The following ANKRD28 variants were observed in gnomAD, a reference collection of about 807,000 sequenced individuals.
The protein encoded by ANKRD28 is serine/threonine-protein phosphatase 6 regulatory ankyrin repeat subunit A.
ANKRD28 carries 44 observed loss-of-function variants against 126.5 expected under a neutral mutation model. The observed-to-expected ratio is 0.35, with a 90% CI of 0.27 to 0.45. ANKRD28 has a LOEUF of 0.45. ANKRD28 is among the 20% of genes least tolerant of loss of function. The pLI is 1.00. For missense variants in ANKRD28, 1,110 were observed against 1,316.6 expected (o/e 0.84, Z 2.43); for synonymous variants, 442 against 468.5 (o/e 0.94, Z 0.73).
At chr3:15,811,643 C>T (rs544244306) in intron 1 of ANKRD28, among the ~76,000 whole-genome samples, 35 of 151,908 alleles carry the variant, frequency 2.3e-4, no homozygotes, top group African/African-American at 5.1e-4. Flanking sequence ...TTGGTAGAGA[C>T]GGGGTTTCAC....
chr3:15,733,596 T>C (rs967764402), intron 6 of ANKRD28: 37 of 152,380 alleles, frequency 2.4e-4, no homozygotes, highest in Admixed American at 2.2e-3. Context: ...TCAATTGATA[T>C]CATTTCTCAA....
intron 5 of ANKRD28, 30 bp from the exon 6 acceptor site, chr3:15,735,527 A>G: frequency 6.7e-7 from 1 of 1,482,116 alleles, no homozygotes; most frequent in Non-Finnish European, 9.2e-7. Flanking sequence ...AGTGTCATCA[A>G]AATTGTGAAG....
Position 15,854,082 on chromosome 3 carries a change from G to T in ANKRD28, c.27+5295C>A, listed in dbSNP as rs539268720. Among the ~76,000 whole-genome samples, 181 of 152,178 alleles carry T rather than the reference G, an allele frequency of 1.2e-3. No individual in the cohort carries two copies. The highest frequency in any genetic ancestry group is 4.2e-3 in the African/African-American group (174 of 41,520). On this transcript the variant is annotated intron_variant, in intron 1 of 27. Coordinates refer to the ANKRD28 transcript ENST00000399451. The surrounding 1 kb of genome is among the most constrained non-coding windows in gnomAD (Gnocchi z 4.1). ...ATCTACTCTTCCAAAACCTGTAATG[G>T]TTATCTAACTTTCAGTGATCATGGA...
chr3:15,738,258 G>T (rs2075169646), intron 4 of ANKRD28, among the ~76,000 whole-genome samples: 1 of 152,130 alleles, frequency 6.6e-6, no homozygotes, highest in Non-Finnish European at 1.5e-5. Flanking sequence ...ACAAAAGAGA[G>T]AAATTTTAAA....
intron 2 of ANKRD28, among the ~76,000 whole-genome samples, chr3:15,785,403 G>T (rs1458092067): frequency 6.6e-6 from 1 of 152,020 alleles, no homozygotes; most frequent in South Asian, 2.1e-4. Context: ...AACGGACCAA[G>T]GACTTTAACA....
intron 8 of ANKRD28, among the ~76,000 whole-genome samples, chr3:15,715,354 A>G (rs2072878354): frequency 6.6e-6 from 1 of 152,238 alleles, no homozygotes; most frequent in Admixed American, 6.5e-5. Context: ...TGCCTTCTGC[A>G]TAGGTACTAA....
chr3:15,821,018 CAT>C (rs1420568989), intron 1 of ANKRD28, among the ~76,000 whole-genome samples: 1 of 152,112 alleles, frequency 6.6e-6, no homozygotes, highest in Non-Finnish European at 1.5e-5. Context: ...CATTTTAGGA[CAT>C]ATAATTCTTT....
Position 15,797,008 on chromosome 3 carries a change from G to C in ANKRD28, c.-487C>G. On this transcript the variant is annotated 5_prime_UTR_variant, in exon 1 of 28. Transcript: ENST00000683139. The stretch of plus-strand genomic sequence containing the variant: ...CTGCAAGGTCATATAGTTACCAGTA[G>C]CTGTTTTGCTTATAATTGAAAATAA... The C allele has an allele frequency of 1.0e-6, 1 of 985,146 alleles. No individual in the cohort carries two copies. Among genetic ancestry groups the C allele is most frequent in the Admixed American group, 6.2e-5 (1 of 16,260 alleles). The allele number at this position is 985,146 out of a possible 1,614,324, so 61.0% of individuals were successfully genotyped here. A position where few individuals can be genotyped will look rare whatever the true frequency, so the allele number is the denominator to read the frequency against.
In ANKRD28 at chr3:15,816,606, G is replaced by A. The variant is rs1408708112; in HGVS notation, c.28-21300C>T. Among the ~76,000 whole-genome samples the A allele has an allele frequency of 6.6e-6, 1 of 152,152 alleles. No individual in the cohort carries two copies. Among genetic ancestry groups the A allele is most frequent in the Non-Finnish European group, 1.5e-5 (1 of 68,014 alleles). ...ATAAAGTTGCTTCAAAAGGAAAAGTGTTTGGTGCCCTTTATTTTACTACAC... is the reference window on the plus strand; with the variant it reads ...ATAAAGTTGCTTCAAAAGGAAAAGTATTTGGTGCCCTTTATTTTACTACAC... On this transcript the variant is annotated intron_variant, in intron 1 of 27. Coordinates refer to the ANKRD28 transcript ENST00000399451. The surrounding 1 kb of genome is among the most constrained non-coding windows in gnomAD (Gnocchi z 5.0).
At chr3:15,740,113 G>C (rs2654651) in intron 4 of ANKRD28, among the ~76,000 whole-genome samples, 95,442 of 152,046 alleles carry the variant, frequency 0.63, 31,383 homozygotes, top group East Asian at 0.91. Context: ...CAAAAACGTT[G>C]AACAAAAGAA....
chr3:15,825,402 C>T (rs191884505), intron 1 of ANKRD28, among the ~76,000 whole-genome samples: 158 of 152,198 alleles, frequency 1.0e-3, no homozygotes, highest in Admixed American at 1.8e-3. Flanking sequence ...TTTCATGGCA[C>T]TTCAAAATGT....
At chr3:15,706,893 G>C (rs2071513681) in intron 14 of ANKRD28, among the ~76,000 whole-genome samples, 1 of 151,956 alleles carries the variant, frequency 6.6e-6, no homozygotes, top group Non-Finnish European at 1.5e-5. Context: ...GTCTTCTTTA[G>C]AGAAGTGTCT....
In ANKRD28 at chr3:15,735,443, C is replaced by A; in HGVS notation, c.607G>T (p.Asp203Tyr). Residue 203 changes from aspartate to tyrosine, a missense_variant, in exon 6 of 28, where the codon GAT (aspartate) becomes TAT (tyrosine). Transcript: ENST00000683139. ...GANINAFDKKDRRAIHWAAYM... is the reference protein window; with the variant it reads ...GANINAFDKKYRRAIHWAAYM... Reference sequence around the variant, plus strand: ...GCTGCCCAATGGATAGCACGCCTATCTTTCTTGTCAAAAGCATTAATATTG... The same window carrying A: ...GCTGCCCAATGGATAGCACGCCTATATTTCTTGTCAAAAGCATTAATATTG... The A allele has an allele frequency of 6.4e-7, 1 of 1,560,626 alleles. No individual in the cohort carries two copies. The highest frequency in any genetic ancestry group is 8.7e-7 in the Non-Finnish European group (1 of 1,151,136).
chr3:15,765,347 G>C (rs2058688566), intron 3 of ANKRD28, among the ~76,000 whole-genome samples: 1 of 152,136 alleles, frequency 6.6e-6, no homozygotes, highest in Non-Finnish European at 1.5e-5. Context: ...CATTTTACAA[G>C]CCCTCAAGTA....
chr3:15,711,111 T>C (rs919192452), intron 12 of ANKRD28, 100 bp downstream of exon 12: 3 of 1,041,872 alleles, frequency 2.9e-6, no homozygotes, highest in Non-Finnish European at 4.1e-6. Flanking sequence ...TGTTTTCTAT[T>C]TTCTGGCAGC....
intron 1 of ANKRD28, among the ~76,000 whole-genome samples, chr3:15,831,271 C>T (rs1285110542): frequency 6.6e-6 from 1 of 152,194 alleles, no homozygotes; most frequent in Non-Finnish European, 1.5e-5. Context: ...CCAATCCCCA[C>T]CTACATGTTT....
chr3:15,703,031 T>C (rs928937283), intron 14 of ANKRD28, among the ~76,000 whole-genome samples: 5 of 152,184 alleles, frequency 3.3e-5, no homozygotes, highest in African/African-American at 1.2e-4. Context: ...AAGGTCCCCA[T>C]AGTAAAAGGC....
intron 1 of ANKRD28, among the ~76,000 whole-genome samples, chr3:15,803,027 A>C (rs1298183689): frequency 2.0e-5 from 3 of 152,212 alleles, no homozygotes; most frequent in African/African-American, 7.2e-5. Flanking sequence ...TGGGGAAGCA[A>C]TCATGAGGGA....
chr3:15,670,156 T>G lies in ANKRD28; in HGVS notation c.*114A>C, dbSNP rs139939059. 167 of 1,196,620 alleles carry G rather than the reference T, an allele frequency of 1.4e-4. No homozygotes were observed. The African/African-American group carries it at 2.4e-3, about 17-fold the overall frequency. 74.1% of individuals were successfully genotyped at this position (1,196,620 alleles called of 1,614,324 possible). A position where few individuals can be genotyped will look rare whatever the true frequency, so the allele number is the denominator to read the frequency against. Reference sequence around the variant, plus strand: ...TGCCATCAGATCTCTTAACATTGGCTCACTGTGGGATCTTTCCTCTTAGGT... The same window carrying G: ...TGCCATCAGATCTCTTAACATTGGCGCACTGTGGGATCTTTCCTCTTAGGT... On this transcript the variant is annotated 3_prime_UTR_variant, in exon 28 of 28. Transcript: ENST00000683139.
Sources: gnomAD v4.1 joint callset for allele counts (sites outside exome capture counted in the v4.1 genomes callset) on GRCh38, gnomAD v4.1.1 for gene constraint, Gnocchi (gnomAD v3.1) non-coding constraint, MANE v1.5 for transcripts, NCBI Gene and HGNC (gene_info 2026-07-23, HGNC 2026-07-21) for gene names.